The following PRKAR1B variants were observed in gnomAD, a reference collection of about 807,000 sequenced individuals.
PRKAR1B encodes the protein cAMP-dependent protein kinase type I-beta regulatory subunit.
In PRKAR1B, 22 loss-of-function variants were observed where a neutral mutation model predicts 46.5. The observed-to-expected ratio is 0.47, with a 90% CI of 0.34 to 0.68. PRKAR1B has a LOEUF of 0.68. PRKAR1B is among the 30% of genes least tolerant of loss of function. The pLI, the probability that PRKAR1B is intolerant of heterozygous loss-of-function variation, is 0.01. For missense variants in PRKAR1B, 445 were observed against 535.6 expected, an observed-to-expected ratio of 0.83 and a Z score of 1.67; for synonymous variants, 259 against 217.7, an observed-to-expected ratio of 1.19 and a Z score of -1.67.
chr7:616,828 C>G (rs1326647017), intron 4 of PRKAR1B, among the ~76,000 whole-genome samples: 1 of 152,160 alleles, frequency 6.6e-6, no homozygotes, highest in East Asian at 1.9e-4. Flanking sequence ...ATCCCAACCT[C>G]ATGTATTTTT....
chr7:572,808 C>T (rs1341546447), intron 9 of PRKAR1B, among the ~76,000 whole-genome samples: 1 of 152,224 alleles, frequency 6.6e-6, no homozygotes, highest in Non-Finnish European at 1.5e-5. Flanking sequence ...AGGCCTCATG[C>T]ACAGGGCATC....
At chr7:676,486 A>G (rs1583402622) in intron 4 of PRKAR1B, among the ~76,000 whole-genome samples, 1 of 152,322 alleles carries the variant, frequency 6.6e-6, no homozygotes, top group South Asian at 2.1e-4. Context: ...ATGCATGCGG[A>G]AGAGGCCGGA....
At chr7:671,246 C>T (rs962476673) in intron 4 of PRKAR1B, among the ~76,000 whole-genome samples, 2 of 152,202 alleles carry the variant, frequency 1.3e-5, no homozygotes, top group Non-Finnish European at 2.9e-5. Flanking sequence ...GTCATTTGGC[C>T]AGAGCCGGGC....
chr7:604,723 A>G (rs943286186), intron 6 of PRKAR1B, among the ~76,000 whole-genome samples: 3 of 152,198 alleles, frequency 2.0e-5, no homozygotes, highest in African/African-American at 7.2e-5. Context: ...TGCCCTCCCC[A>G]GAATAGCGTG....
At chr7:580,761 AAAC>A (rs1780133946) in intron 8 of PRKAR1B, among the ~76,000 whole-genome samples, 2 of 148,548 alleles carry the variant, frequency 1.3e-5, no homozygotes, top group African/African-American at 2.5e-5. Flanking sequence ...AAAAAAAAAA[AAAC>A]AAACGTTTCC....
intron 4 of PRKAR1B, among the ~76,000 whole-genome samples, chr7:670,249 A>G (rs1271703771): frequency 6.6e-6 from 1 of 152,156 alleles, no homozygotes; most frequent in Admixed American, 6.5e-5. Context: ...TGGAGCTACA[A>G]GTTCATGAAA....
At position 711,369 on chromosome 7, in the gene PRKAR1B, G is replaced by A; in HGVS notation, c.137C>T (p.Pro46Leu). 6.2e-7 allele frequency: 1 copy of A among 1,614,200 alleles called. No individual in the cohort carries two copies. The highest frequency in any genetic ancestry group is 8.5e-7 in the Non-Finnish European group (1 of 1,180,022). The change falls in exon 2 of 11, where the codon CCC (proline) becomes CTC (leucine). Residue 46 changes from proline (P) to leucine (L), a missense_variant. Physicochemically the swap from Pro to Leu is moderately conservative, Grantham distance 98. Around this residue, in one of 5 missense-constraint regions of PRKAR1B, gnomAD observed 155 missense variants for 127.5 expected, o/e 1.22. Transcript: ENST00000537384. ...VHLCISKPER[P>L]MKFLREHFEK... ...GAAGTGCTCCCGGAGGAACTTCATG[G>A]GGCGTTCGGGCTTGGAGATGCAGAG...
intron 9 of PRKAR1B, among the ~76,000 whole-genome samples, chr7:554,252 C>T (rs1021929273): frequency 9.8e-4 from 150 of 152,364 alleles, no homozygotes; most frequent in African/African-American, 3.4e-3. Flanking sequence ...GAATTCGGTG[C>T]GAGAAAATTT....
intron 4 of PRKAR1B, among the ~76,000 whole-genome samples, chr7:641,582 A>C (rs1246390791): frequency 1.3e-5 from 2 of 152,210 alleles, no homozygotes; most frequent in Non-Finnish European, 2.9e-5. Context: ...AACTGACAAC[A>C]ACCCACAGGT....
chr7:660,090 C>G (rs1006287690), intron 4 of PRKAR1B, among the ~76,000 whole-genome samples: 1 of 151,988 alleles, frequency 6.6e-6, no homozygotes, highest in African/African-American at 2.4e-5. Context: ...ATCCCCTACT[C>G]GGAGTCAGTG....
chr7:652,180 C>G (rs1174178558), intron 4 of PRKAR1B, among the ~76,000 whole-genome samples: 20 of 122,474 alleles, frequency 1.6e-4, no homozygotes, highest in African/African-American at 4.9e-4. Flanking sequence ...CCTCTCGGAA[C>G]ACAGTTCACA....
chr7:587,344 GGGGCTGTGCTCA>G (rs1196579145), intron 7 of PRKAR1B, among the ~76,000 whole-genome samples: 6 of 152,198 alleles, frequency 3.9e-5, no homozygotes, highest in Non-Finnish European at 8.8e-5. Context: ...GACAGGGGTG[GGGGCTGTGCTCA>G]GGGCTGTGCC....
intron 4 of PRKAR1B, among the ~76,000 whole-genome samples, chr7:611,535 G>A (rs925545210): frequency 7.2e-5 from 11 of 152,236 alleles, no homozygotes; most frequent in Admixed American, 7.2e-4. Context: ...CGATCCTGAT[G>A]CCTCCCCCTC....
chr7:550,175 G>A lies in PRKAR1B; in HGVS notation c.*255C>T, dbSNP rs1256918760. The A allele has an allele frequency of 1.6e-5, 8 of 486,034 alleles. No individual in the cohort carries two copies. The highest frequency in any genetic ancestry group is 5.7e-4 in the Middle Eastern group (1 of 1,754). The allele number at this position is 486,034 out of a possible 1,614,324, so 30.1% of individuals were successfully genotyped here. A position where few individuals can be genotyped will look rare whatever the true frequency, so the allele number is the denominator to read the frequency against. On this transcript the variant is annotated 3_prime_UTR_variant, in exon 11 of 11. Coordinates refer to ENST00000537384, the MANE Select transcript of PRKAR1B (RefSeq NM_001164760.2). ...AGAAGCCCACAGAGGCAGCCGGGGA[G>A]GCGTGTGGGGAGGAAGCTGGCCTGT... is the stretch of plus-strand genomic sequence containing the variant.
chr7:722,615 G>A (rs1227024586), intron 1 of PRKAR1B, among the ~76,000 whole-genome samples: 1 of 152,068 alleles, frequency 6.6e-6, no homozygotes, highest in Non-Finnish European at 1.5e-5. Context: ...CAGGTGATCT[G>A]CCCGCCTTGG....
chr7:550,950 C>A (rs1343147536), intron 10 of PRKAR1B, among the ~76,000 whole-genome samples: 1 of 149,840 alleles, frequency 6.7e-6, no homozygotes, highest in East Asian at 2.0e-4. Context: ...AGGACCCAGA[C>A]CCCCAGCTGC....
At chr7:606,487 G>GA (rs1562557592) in intron 5 of PRKAR1B, among the ~76,000 whole-genome samples, 1 of 151,702 alleles carries the variant, frequency 6.6e-6, no homozygotes, top group Non-Finnish European at 1.5e-5. Flanking sequence ...TTTGTTTTTT[G>GA]TTTTTTTTGA....
chr7:654,699 CCATCACCAT>C (rs140875586), intron 4 of PRKAR1B, among the ~76,000 whole-genome samples: 125,852 of 149,668 alleles, frequency 0.84, 52,640 homozygotes, highest in Middle Eastern at 0.89. Context: ...ATCACCTTCA[CCATCACCAT>C]CATCACCATC....
intron 4 of PRKAR1B, among the ~76,000 whole-genome samples, chr7:675,298 T>A (rs1159883889): frequency 6.6e-6 from 1 of 152,218 alleles, no homozygotes; most frequent in Non-Finnish European, 1.5e-5. Flanking sequence ...GAACAATGCG[T>A]CTAGTGTGTT....
Sources: allele counts gnomAD v4.1 joint callset (sites outside exome capture counted in the v4.1 genomes callset), GRCh38; gene constraint gnomAD v4.1.1; regional missense constraint gnomAD v4.1.1; transcripts MANE v1.5; gene names NCBI Gene and HGNC (gene_info 2026-07-23, HGNC 2026-07-21).